NBPF8: variants seen among roughly 807,000 people sequenced by gnomAD.
NBPF8 encodes the protein NBPF family member NBPF8.
chr1:120,460,241 T>C (rs1285121610), intron 17 of NBPF8, among the ~76,000 whole-genome samples: 5 of 152,136 alleles, frequency 3.3e-5, no homozygotes, highest in Admixed American at 6.5e-5. Context: ...GAGAGAAAGC[T>C]TAATATTGAA....
exon 25 of NBPF8, chr1:120,467,703 A>C (rs1661777718): frequency 1.3e-5 from 2 of 151,642 alleles, no homozygotes; most frequent in African/African-American, 4.8e-5. Flanking sequence ...GTCCAAAGTT[A>C]ATTTTAATCT....
rs1296846675 is a variant in NBPF8, at chr1:120,457,727, T to TAAAAA, written n.2621-1634_2621-1630dup. ...ACATGTACCCTAAGACTTAAAGTAT[T>TAAAAA]AAAAAAAAAATATATATATATATAT... is the stretch of plus-strand genomic sequence containing the variant. On this transcript the variant is annotated intron_variant and non_coding_transcript_variant, in intron 16 of 24. Transcript: ENST00000583271. Among the ~76,000 whole-genome samples, 13 of 53,304 alleles carry TAAAAA rather than the reference T, an allele frequency of 2.4e-4. 3 individuals carry two copies. Among genetic ancestry groups the TAAAAA allele is most frequent in the African/African-American group, 1.8e-3 (13 of 7,110 alleles). The allele number at this position is 53,304 out of a possible 152,430, so 35.0% of individuals were successfully genotyped here.
exon 25 of NBPF8, chr1:120,466,360 G>C (rs879107168): frequency 3.1e-6 from 4 of 1,293,116 alleles, no homozygotes; most frequent in Non-Finnish European, 4.2e-6. Context: ...CCTATTCTCA[G>C]AGCATGCCAG....
At chr1:120,453,296 C>T in intron 13 of NBPF8, 76 bp from the exon 12 acceptor site, 1 of 597,006 alleles carries the variant, frequency 1.7e-6, no homozygotes, top group Non-Finnish European at 3.0e-6. Context: ...GTTCATGTCT[C>T]TGTTGCACAT....
chr1:120,421,229 T>C (rs1263693707), intron 1 of NBPF8, among the ~76,000 whole-genome samples: 5 of 152,170 alleles, frequency 3.3e-5, no homozygotes, highest in Non-Finnish European at 5.9e-5. Context: ...ATGGAAACAG[T>C]ATATAGTTTT....
upstream of NBPF8, chr1:120,433,792 C>T: frequency 5.7e-6 from 1 of 175,194 alleles, no homozygotes; most frequent in Non-Finnish European, 1.3e-5. Flanking sequence ...GTGGGGGCTC[C>T]ACCGATGCTC....
At chr1:120,428,002 T>C (rs1301283915) in intron 3 of NBPF8, among the ~76,000 whole-genome samples, 155 bp downstream of exon 3, 15 of 152,260 alleles carry the variant, frequency 9.9e-5, no homozygotes, top group African/African-American at 3.6e-4. Flanking sequence ...TGTTCAACAA[T>C]TTTCTAAACA....
chr1:120,434,406 G>GTATATATATTATATA (rs1661012342), upstream of NBPF8, among the ~76,000 whole-genome samples: 1 of 145,254 alleles, frequency 6.9e-6, no homozygotes, highest in African/African-American at 2.5e-5. Flanking sequence ...ATATACACGT[G>GTATATATATTATATA]TATATATATT....
At chr1:120,464,703 C>T (rs1276633460) in intron 23 of NBPF8, among the ~76,000 whole-genome samples, 155 bp downstream of exon 21, 1 of 142,622 alleles carries the variant, frequency 7.0e-6, no homozygotes, top group East Asian at 2.1e-4. Flanking sequence ...CTAGTTCTAC[C>T]TGGAAGCCCA....
chr1:120,425,671 C>G (rs1660708697), intron 1 of NBPF8, among the ~76,000 whole-genome samples: 1 of 151,590 alleles, frequency 6.6e-6, no homozygotes, highest in African/African-American at 2.4e-5. Context: ...CAAGTCTCTC[C>G]TTCCACCTAA....
At chr1:120,449,956 T>A (rs587730367) in intron 11 of NBPF8, among the ~76,000 whole-genome samples, 122 of 152,184 alleles carry the variant, frequency 8.0e-4, no homozygotes, top group Middle Eastern at 3.4e-3. Context: ...GGGCCGTGCA[T>A]GGTGGCTCAC....
downstream of NBPF8, chr1:120,467,819 GAATT>G (rs1181310942): frequency 3.9e-5 from 6 of 152,166 alleles, no homozygotes; most frequent in Non-Finnish European, 7.4e-5. Flanking sequence ...GTACTGATGC[GAATT>G]AATAAAAACA....
chr1:120,460,535 T>G (rs1346917180), intron 17 of NBPF8, 38 bp from the exon 16 acceptor site: 3 of 1,172,774 alleles, frequency 2.6e-6, no homozygotes, highest in East Asian at 2.3e-5. Context: ...AAGGAAGAAC[T>G]GCTTAATGTA....
chr1:120,416,108 A>T (rs1660430739), upstream of NBPF8, among the ~76,000 whole-genome samples: 2 of 152,060 alleles, frequency 1.3e-5, no homozygotes, highest in Non-Finnish European at 2.9e-5. Context: ...TAAAGGAAAG[A>T]TCTGCTGGTA....
chr1:120,459,972 G>A (rs1661531998), intron 17 of NBPF8, among the ~76,000 whole-genome samples: 1 of 152,026 alleles, frequency 6.6e-6, no homozygotes. Flanking sequence ...ACCTCTCAGT[G>A]AAAGATGTGA....
rs1553247807 is a variant in NBPF8, at chr1:120,436,615, C to G, written n.263C>G. The G allele has an allele frequency of 3.8e-5, 61 of 1,602,088 alleles. 1 individual carries two copies. In the Middle Eastern group the frequency reaches 5.9e-4, roughly 16 times the overall value. Reference sequence around the variant, plus strand: ...AATTGCGCCCCCAGTTGGCAGAGAACAAACAGCAGTTCGTAAACCTCAAAG... The same window carrying G: ...AATTGCGCCCCCAGTTGGCAGAGAAGAAACAGCAGTTCGTAAACCTCAAAG... On this transcript the variant is annotated non_coding_transcript_exon_variant, in exon 1 of 25. Transcript: ENST00000583271.
At chr1:120,456,186 T>A (rs1404121384) in intron 16 of NBPF8, among the ~76,000 whole-genome samples, 1 of 151,410 alleles carries the variant, frequency 6.6e-6, no homozygotes, top group Non-Finnish European at 1.5e-5. Context: ...TACCTCCAAC[T>A]ATGTGGTCAA....
chr1:120,415,405 G>T (rs1660403674), upstream of NBPF8, among the ~76,000 whole-genome samples: 1 of 151,972 alleles, frequency 6.6e-6, no homozygotes, highest in Non-Finnish European at 1.5e-5. Context: ...GGTTGGGAGG[G>T]CGTGTGTTCC....
chr1:120,453,916 C>T, exon 15 of NBPF8: 3 of 1,454,124 alleles, frequency 2.1e-6, no homozygotes, highest in East Asian at 4.5e-5. Flanking sequence ...CAGGGAGATG[C>T]AGAAGGCTGA....
Sources: allele counts gnomAD v4.1 joint callset (sites outside exome capture counted in the v4.1 genomes callset), GRCh38; gene constraint gnomAD v4.1.1; transcripts MANE v1.5; gene names NCBI Gene and HGNC (gene_info 2026-07-23, HGNC 2026-07-21).